TDRP: variants seen among roughly 807,000 people sequenced by gnomAD.
TDRP encodes testis development-related protein.
TDRP carries 12 observed loss-of-function variants against 10.5 expected under a neutral mutation model. The observed-to-expected ratio is 1.15, with a 90% CI of 0.73 to 1.86. The LOEUF is 1.86. Ranked by LOEUF, TDRP falls within the 40% of genes most tolerant of loss-of-function variation. TDRP has a pLI of 0.00. For synonymous variants in TDRP, 139 were observed against 95.4 expected (o/e 1.46, Z -2.67); for missense variants, 353 against 229.2 (o/e 1.54, Z -3.49).
At chr8:505,119 G>T (rs1340560222) in intron 1 of TDRP, among the ~76,000 whole-genome samples, 2 of 152,054 alleles carry the variant, frequency 1.3e-5, no homozygotes, top group African/African-American at 4.8e-5. Context: ...TACCACATTT[G>T]GAATTACTTA....
At chr8:501,214 A>G (rs1801289107) in intron 1 of TDRP, among the ~76,000 whole-genome samples, 1 of 151,658 alleles carries the variant, frequency 6.6e-6, no homozygotes, top group African/African-American at 2.4e-5. Flanking sequence ...TCAAAAAAAC[A>G]AACAAACAAA....
At chr8:511,263 C>T (rs888606252) in intron 1 of TDRP, among the ~76,000 whole-genome samples, 1 of 152,070 alleles carries the variant, frequency 6.6e-6, no homozygotes, top group Non-Finnish European at 1.5e-5. Context: ...AAGATAAAAA[C>T]TGACTGAAAG....
chr8:539,933 A>G (rs1405377220), intron 1 of TDRP, among the ~76,000 whole-genome samples: 1 of 152,222 alleles, frequency 6.6e-6, no homozygotes, highest in African/African-American at 2.4e-5. Context: ...TTTCTTTGCA[A>G]TGTCTACAGA....
rs200541121 is a variant in TDRP, at chr8:531,173, CT to C, written c.108+13476del. ...GGGAAAGGCAGGTGAAATTAAATGGCTTTTTTTTTCTCCTACTTCAATGCAG... is the reference window on the plus strand; with the variant it reads ...GGGAAAGGCAGGTGAAATTAAATGGCTTTTTTTTCTCCTACTTCAATGCAG... On this transcript the variant is annotated intron_variant, in intron 1 of 2. Transcript: ENST00000324079. Among the ~76,000 whole-genome samples the C allele has an allele frequency of 6.6e-5, 10 of 151,702 alleles. No individual in the cohort carries two copies. The East Asian group carries it at 1.2e-3, about 18-fold the overall frequency.
upstream of TDRP, chr8:545,037 G>C (rs1422247155): frequency 4.1e-6 from 1 of 244,628 alleles, no homozygotes; most frequent in Non-Finnish European, 7.6e-6. Context: ...CCCTTCCGAA[G>C]ACCAGACCCG....
chr8:512,314 T>C (rs2116788284), intron 1 of TDRP, among the ~76,000 whole-genome samples: 1 of 151,722 alleles, frequency 6.6e-6, no homozygotes, highest in African/African-American at 2.4e-5. Context: ...ACACCTGTAG[T>C]GCCAGCTCCT....
chr8:503,676 C>T (rs1000803358), intron 1 of TDRP, among the ~76,000 whole-genome samples: 1 of 146,384 alleles, frequency 6.8e-6, no homozygotes, highest in African/African-American at 2.5e-5. Context: ...CACACACCAA[C>T]ACGGAATCCA....
At chr8:500,085 G>T (rs903579850) in intron 1 of TDRP, among the ~76,000 whole-genome samples, 1 of 152,186 alleles carries the variant, frequency 6.6e-6, no homozygotes, top group Non-Finnish European at 1.5e-5. Context: ...AATGAAGACA[G>T]ATGAGATGTG....
chr8:523,141 G>A (rs1315777783), intron 1 of TDRP, among the ~76,000 whole-genome samples: 1 of 152,034 alleles, frequency 6.6e-6, no homozygotes, highest in Non-Finnish European at 1.5e-5. Flanking sequence ...GTAGTGAAAT[G>A]TTTTTATTCC....
chr8:509,968 C>G (rs543678964), intron 1 of TDRP, among the ~76,000 whole-genome samples: 4 of 152,186 alleles, frequency 2.6e-5, no homozygotes, highest in East Asian at 3.9e-4. Context: ...TGCAGTGAGC[C>G]AAGATTGTGT....
chr8:534,033 G>A (rs1002572921), intron 1 of TDRP, among the ~76,000 whole-genome samples: 1 of 152,126 alleles, frequency 6.6e-6, no homozygotes, highest in African/African-American at 2.4e-5. Context: ...TGAAGCCCTA[G>A]TTATTTAATA....
chr8:521,353 C>T (rs1801900385), intron 1 of TDRP, among the ~76,000 whole-genome samples: 1 of 151,742 alleles, frequency 6.6e-6, no homozygotes, highest in Non-Finnish European at 1.5e-5. Context: ...GGAGGCGGGG[C>T]TTACAGTGAG....
At chr8:534,779 A>G (rs1232651902) in intron 1 of TDRP, among the ~76,000 whole-genome samples, 1 of 152,218 alleles carries the variant, frequency 6.6e-6, no homozygotes, top group East Asian at 1.9e-4. Context: ...AAATTTTAGC[A>G]AGAAGCTGAA....
intron 1 of TDRP, among the ~76,000 whole-genome samples, chr8:518,168 G>C (rs751185019): frequency 1.3e-5 from 2 of 152,170 alleles, no homozygotes; most frequent in Non-Finnish European, 2.9e-5. Flanking sequence ...CAAAGGCACC[G>C]CTCTGGAGAG....
At chr8:545,398 G>A (rs533127794), upstream of TDRP, among the ~76,000 whole-genome samples, 6 of 35,800 alleles carry the variant, frequency 1.7e-4, no homozygotes, top group African/African-American at 6.6e-4. Flanking sequence ...CCCCTCTCCC[G>A]GTTCTCTCCT....
rs113399986 is a variant in TDRP, at chr8:530,692, A to G, written c.108+13958T>C. 5.7e-3 allele frequency among the ~76,000 whole-genome samples: 874 copies of G among 152,320 alleles called. 12 individuals are homozygous for G. The highest frequency in any genetic ancestry group is 0.02 in the African/African-American group (820 of 41,570). ...ACTGCAAGTTGTCTGGCAGGGCAAC[A>G]GGCTGTGGAGCTCTCGCTTGTTCTC... On this transcript the variant is annotated intron_variant, in intron 1 of 2. Transcript: ENST00000324079.
chr8:503,568 A>G (rs1306981315), intron 1 of TDRP, among the ~76,000 whole-genome samples: 1 of 145,622 alleles, frequency 6.9e-6, no homozygotes, highest in Non-Finnish European at 1.5e-5. Context: ...ATGCATCAAC[A>G]CAGAATCCAA....
At chr8:540,537 C>G (rs1157007695) in intron 1 of TDRP, among the ~76,000 whole-genome samples, 2 of 152,066 alleles carry the variant, frequency 1.3e-5, no homozygotes, top group African/African-American at 4.8e-5. Context: ...CTTCAAGTAA[C>G]ATTAGATTCA....
chr8:498,916 G>C (rs923111472), intron 1 of TDRP, among the ~76,000 whole-genome samples: 24 of 152,166 alleles, frequency 1.6e-4, no homozygotes, highest in Admixed American at 1.5e-3. Context: ...CTGCCACCAA[G>C]TAAGATGTGC....
Sources: gnomAD v4.1 joint callset for allele counts (sites outside exome capture counted in the v4.1 genomes callset) on GRCh38, gnomAD v4.1.1 for gene constraint, MANE v1.5 for transcripts, NCBI Gene and HGNC (gene_info 2026-07-23, HGNC 2026-07-21) for gene names.